The following PNISR variants were observed in gnomAD, a reference collection of about 807,000 sequenced individuals.
The protein encoded by PNISR is PNN interacting serine and arginine rich protein.
In PNISR, 20 loss-of-function variants were observed where a neutral mutation model predicts 93.4. That is an observed-to-expected ratio of 0.21 (90% CI 0.15 to 0.31). The LOEUF (loss-of-function observed/expected upper bound fraction) is 0.31, where lower values mean the gene tolerates loss of function less well. PNISR is among the 10% of genes least tolerant of loss of function. PNISR has a pLI of 1.00. For synonymous variants in PNISR, 305 were observed against 306.5 expected, an observed-to-expected ratio of 0.99 and a Z score of 0.05; for missense variants, 893 against 985.4, an observed-to-expected ratio of 0.91 and a Z score of 1.25.
At chr6:99,407,101 T>C (rs546042828) in intron 7 of PNISR, among the ~76,000 whole-genome samples, 312 of 152,164 alleles carry the variant, frequency 2.1e-3, no homozygotes, top group Non-Finnish European at 3.3e-3. Flanking sequence ...GGGAGAATCA[T>C]TTGAAGCCAG....
chr6:99,402,817 C>T (rs548577362), intron 10 of PNISR, 107 bp from the exon 11 acceptor site: 15 of 788,260 alleles, frequency 1.9e-5, no homozygotes, highest in Admixed American at 1.8e-4. Flanking sequence ...TGCCTTTTCC[C>T]AGAAGAATAC....
chr6:99,414,120 T>C (rs181002654), intron 3 of PNISR, among the ~76,000 whole-genome samples: 24 of 152,298 alleles, frequency 1.6e-4, no homozygotes, highest in East Asian at 1.3e-3. Flanking sequence ...TAGTTAACAA[T>C]TGTTAAAGCT....
chr6:99,412,777 T>C (rs1423265893), intron 3 of PNISR, 38 bp from the exon 4 acceptor site: 5 of 1,334,946 alleles, frequency 3.7e-6, no homozygotes, highest in Non-Finnish European at 5.1e-6. Context: ...ATTCAGAATG[T>C]AGGAGTTAAA....
Position 99,402,852 on chromosome 6 carries a change from T to A in PNISR, c.1157-142A>T, listed in dbSNP as rs1467445143. The A allele has an allele frequency of 8.4e-6, 4 of 476,930 alleles. No individual in the cohort carries two copies. In the Admixed American group the frequency reaches 1.9e-4, roughly 22 times the overall value. 29.5% of individuals were successfully genotyped at this position (476,930 alleles called of 1,614,324 possible). A position where few individuals can be genotyped will look rare whatever the true frequency, so the allele number is the denominator to read the frequency against. On this transcript the variant is annotated intron_variant, in intron 10 of 11. Transcript: ENST00000369239. The stretch of plus-strand genomic sequence containing the variant: ...CGCTTATTCGGGGTGGGGAGAAGTA[T>A]ACATTCAAACGCTTAAGGAGTTCAC...
intron 4 of PNISR, among the ~76,000 whole-genome samples, chr6:99,411,362 T>C (rs914711606): frequency 6.6e-6 from 1 of 152,048 alleles, no homozygotes; most frequent in Non-Finnish European, 1.5e-5. Context: ...AGGGAGAAAT[T>C]AGGTATTATT....
At position 99,412,601 on chromosome 6, in the gene PNISR, T is replaced by C; in HGVS notation, c.227A>G (p.Asn76Ser). Residue 76 changes from asparagine to serine, a missense_variant, in exon 4 of 12, where the codon AAT becomes AGT. Physicochemically the swap from Asn to Ser is conservative, Grantham distance 46. Transcript: ENST00000369239. ...DMSTMESGPNNHGNFQGDSNF... is the reference protein window; with the variant it reads ...DMSTMESGPNSHGNFQGDSNF... ...TGAATCCCCTTGGAAATTCCCATGA[T>C]TGTTTGGACCAGATTCCATTGTAGA... 1 of 1,607,952 alleles carries C rather than the reference T, an allele frequency of 6.2e-7. No individual in the cohort carries two copies. Among genetic ancestry groups the C allele is most frequent in the Non-Finnish European group, 8.5e-7 (1 of 1,178,230 alleles).
chr6:99,403,650 C>A (rs1364818383), intron 10 of PNISR, 179 bp downstream of exon 10: 1 of 436,618 alleles, frequency 2.3e-6, no homozygotes, highest in Non-Finnish European at 4.1e-6. Flanking sequence ...AAATTTCTCA[C>A]TGTGAATGCG....
Position 99,401,594 on chromosome 6 carries a change from A to T in PNISR, c.1364T>A (p.Met455Lys). 6.4e-7 allele frequency: 1 copy of T among 1,568,920 alleles called. No individual in the cohort carries two copies. Among genetic ancestry groups the T allele is most frequent in the Non-Finnish European group, 8.6e-7 (1 of 1,164,256 alleles). ...TTGCTCTTTATGGATAAATTCATTCATCTCTTTTGTAACCCTTTCTGTTTG... is the reference window on the plus strand; with the variant it reads ...TTGCTCTTTATGGATAAATTCATTCTTCTCTTTTGTAACCCTTTCTGTTTG... ...KQQTERVTKEMNEFIHKEQNS... is the reference protein window; with the variant it reads ...KQQTERVTKEKNEFIHKEQNS... Residue 455 changes from methionine (M) to lysine (K), a missense_variant, in exon 12 of 12, where the codon ATG (methionine) becomes AAG (lysine). Transcript: ENST00000369239.
rs1196832982 is a variant in PNISR at position 99,412,362 on chromosome 6, AAGC to A, written c.277+186_277+188del. On this transcript the variant is annotated intron_variant, in intron 4 of 11. Transcript: ENST00000369239. The stretch of plus-strand genomic sequence containing the variant: ...GAAAAGAATCAAACTGAGTGCCACA[AAGC>A]TAGCAGAATGAGTACAGAATAATTT... 5.8e-6 allele frequency: 4 copies of A among 691,434 alleles called. No individual in the cohort carries two copies. In the East Asian group the frequency reaches 1.1e-4, roughly 19 times the overall value. 42.8% of individuals were successfully genotyped at this position (691,434 alleles called of 1,614,324 possible). A position where few individuals can be genotyped will look rare whatever the true frequency, so the allele number is the denominator to read the frequency against.
intron 9 of PNISR, chr6:99,404,361 C>T (rs937031233): frequency 2.1e-6 from 1 of 480,480 alleles, no homozygotes; most frequent in African/African-American, 2.0e-5. Flanking sequence ...TGGAATTTTC[C>T]ACAATACATT....
chr6:99,401,670 T>C (rs1582759197), intron 11 of PNISR, 40 bp from the exon 12 acceptor site: 1 of 1,452,658 alleles, frequency 6.9e-7, no homozygotes, highest in Non-Finnish European at 9.1e-7. Flanking sequence ...AAAATGTTCA[T>C]GTAAAATTCT....
At chr6:99,414,972 A>G (rs1484506688) in intron 2 of PNISR, 1 of 171,734 alleles carries the variant, frequency 5.8e-6, no homozygotes, top group Non-Finnish European at 1.2e-5. Context: ...ATTTCTGGAT[A>G]TGTAATTATT....
rs188391926 is a variant in PNISR, at chr6:99,410,819, T to C, written c.423A>G (p.Ile141Met). ...SGEFAPDNRH[I>M]FNQNNHNFGG... ...CAAAGTTGTGATTGTTCTGGTTAAA[T>C]ATATGCCTGTTGTCAGGGGCAAATT... The change falls in exon 5 of 12, where the codon ATA (isoleucine) becomes ATG (methionine). Residue 141 changes from isoleucine to methionine, a missense_variant. Physicochemically the swap from Ile to Met is conservative, Grantham distance 10. Coordinates refer to ENST00000369239, the MANE Select transcript of PNISR (RefSeq NM_032870.4). The C allele has an allele frequency of 2.2e-4, 355 of 1,614,172 alleles. 3 individuals are homozygous for C. The East Asian group carries it at 3.1e-3, about 14-fold the overall frequency.
chr6:99,407,079 G>C (rs1015908659), intron 7 of PNISR, among the ~76,000 whole-genome samples: 1 of 152,062 alleles, frequency 6.6e-6, no homozygotes, highest in Admixed American at 6.6e-5. Context: ...CAGCACTTTG[G>C]GGGGCCGAGG....
chr6:99,404,377 G>A lies in PNISR; in HGVS notation c.1102+226C>T, dbSNP rs1775874932. 9.6e-6 allele frequency: 5 copies of A among 519,934 alleles called. No homozygotes were observed. The Middle Eastern group carries it at 1.5e-3, about 158-fold the overall frequency. 32.2% of individuals were successfully genotyped at this position (519,934 alleles called of 1,614,324 possible). The stretch of plus-strand genomic sequence containing the variant: ...GGAATTTTCCACAATACATTTTAGA[G>A]GAAAACAGCATGATTGCTAATTTGT... On this transcript the variant is annotated intron_variant, in intron 9 of 11. Coordinates refer to ENST00000369239, the MANE Select transcript of PNISR (RefSeq NM_032870.4).
At chr6:99,402,812 T>C (rs1272172916) in intron 10 of PNISR, 102 bp from the exon 11 acceptor site, 5 of 862,738 alleles carry the variant, frequency 5.8e-6, no homozygotes, top group East Asian at 5.0e-5. Context: ...TTCATTGCCT[T>C]TTCCCAGAAG....
chr6:99,417,792 CCCCGTCT>C (rs760454432), intron 1 of PNISR, among the ~76,000 whole-genome samples: 96 of 151,786 alleles, frequency 6.3e-4, no homozygotes, highest in Non-Finnish European at 1.2e-3. Flanking sequence ...ATGGTGAAAC[CCCCGTCT>C]CTACTAAAAA....
Position 99,409,493 on chromosome 6 carries a change from G to A in PNISR, c.502-149C>T, listed in dbSNP as rs1776616653. 9 of 643,484 alleles carry A rather than the reference G, an allele frequency of 1.4e-5. No homozygotes were observed. In the South Asian group the frequency reaches 2.2e-4, roughly 16 times the overall value. 39.9% of individuals were successfully genotyped at this position (643,484 alleles called of 1,614,324 possible). ...TCTAATATCCACCGATACTTCTATG[G>A]TCCCAAGAACCTAGGCTTACTTGTC... On this transcript the variant is annotated intron_variant, in intron 5 of 11. Coordinates refer to ENST00000369239, the MANE Select transcript of PNISR (RefSeq NM_032870.4).
rs756565084 is a variant in PNISR at position 99,408,099 on chromosome 6, T to C, written c.846A>G (p.Leu282=). The C allele has an allele frequency of 4.4e-6, 7 of 1,599,502 alleles. No individual in the cohort carries two copies. The highest frequency in any genetic ancestry group is 6.0e-6 in the Non-Finnish European group (7 of 1,175,416). Residue 282 remains leucine, a synonymous_variant, in exon 7 of 12, where the codon TTA becomes TTG. Coordinates refer to ENST00000369239, the MANE Select transcript of PNISR (RefSeq NM_032870.4). The part of the protein sequence containing the change: ...EDAEGGDGPR[L]PQRSKFDSDE... ...TACTTACAAATTTACTTCTCTGAGG[T>C]AAACGAGGGCCATCCCCTCCTTCAG...
Sources: gnomAD v4.1 joint callset for allele counts (sites outside exome capture counted in the v4.1 genomes callset) on GRCh38, gnomAD v4.1.1 for gene constraint, MANE v1.5 for transcripts, NCBI Gene and HGNC (gene_info 2026-07-23, HGNC 2026-07-21) for gene names.